Variants in ADIPOR2 observed in about 807,000 individuals in gnomAD.
ADIPOR2 encodes the protein adiponectin receptor protein 2.
A neutral mutation model predicts 40.9 loss-of-function variants in ADIPOR2; 18 were observed. The observed-to-expected ratio is 0.44, with a 90% CI of 0.30 to 0.65. The LOEUF (loss-of-function observed/expected upper bound fraction) is 0.65. ADIPOR2 is among the 30% of genes least tolerant of loss of function. The pLI is 0.09. For missense variants in ADIPOR2, 283 were observed against 479.2 expected (o/e 0.59, Z 3.82); for synonymous variants, 165 against 166.4 (o/e 0.99, Z 0.06).
chr12:1,772,363 A>G (rs1862507637), intron 2 of ADIPOR2, among the ~76,000 whole-genome samples: 2 of 152,210 alleles, frequency 1.3e-5, no homozygotes, highest in Admixed American at 6.5e-5. Flanking sequence ...TGACCTATAT[A>G]TAAAGCCTTT....
At chr12:1,743,570 G>A (rs563613772) in intron 1 of ADIPOR2, among the ~76,000 whole-genome samples, 58 of 151,840 alleles carry the variant, frequency 3.8e-4, no homozygotes, top group African/African-American at 1.4e-3. Flanking sequence ...TCTCTGGATG[G>A]AGGCTGAGGC....
chr12:1,783,131 C>T (rs1862756982), intron 6 of ADIPOR2, among the ~76,000 whole-genome samples: 1 of 151,342 alleles, frequency 6.6e-6, no homozygotes, highest in Non-Finnish European at 1.5e-5. Flanking sequence ...AGCCACTGCG[C>T]CCAGCCTTAG....
chr12:1,754,966 GGCCTCCCAA>G (rs1224159092), intron 2 of ADIPOR2, among the ~76,000 whole-genome samples: 3 of 117,214 alleles, frequency 2.6e-5, no homozygotes, highest in South Asian at 2.9e-4. Context: ...CTCCCACCTC[GGCCTCCCAA>G]AGTGCTGGGA....
chr12:1,738,243 T>G (rs118158433), intron 1 of ADIPOR2, among the ~76,000 whole-genome samples: 6,500 of 147,152 alleles, frequency 0.044, 231 homozygotes, highest in East Asian at 0.18. Context: ...TAACCAGGCA[T>G]GGTGGTATGT....
chr12:1,730,916 C>A (rs986587011), intron 1 of ADIPOR2: 2 of 152,010 alleles, frequency 1.3e-5, no homozygotes, highest in Admixed American at 6.6e-5. Flanking sequence ...ATATGTAATG[C>A]AGGTTGATTA....
chr12:1,691,566 C>G (rs1054957145), intron 1 of ADIPOR2, among the ~76,000 whole-genome samples: 1 of 152,210 alleles, frequency 6.6e-6, no homozygotes, highest in Non-Finnish European at 1.5e-5. Context: ...TCTGCCCGCC[C>G]CTCTTCGTCT....
chr12:1,702,358 A>AT (rs778285730), intron 1 of ADIPOR2, among the ~76,000 whole-genome samples: 78 of 152,196 alleles, frequency 5.1e-4, no homozygotes, highest in East Asian at 1.2e-3. Context: ...GGTTATGGGA[A>AT]TTTTTTTAGC....
At chr12:1,722,472 G>A (rs11612414) in intron 1 of ADIPOR2, among the ~76,000 whole-genome samples, 3,089 of 152,280 alleles carry the variant, frequency 0.02, 66 homozygotes, top group East Asian at 0.097. Context: ...ATATTTAGGA[G>A]TAACTGATGT....
intron 2 of ADIPOR2, among the ~76,000 whole-genome samples, chr12:1,768,886 G>A (rs1305287562): frequency 6.6e-6 from 1 of 152,164 alleles, no homozygotes; most frequent in Admixed American, 6.5e-5. Context: ...ACCTCTACAA[G>A]TTTAAATATA....
chr12:1,780,740 A>G, intron 5 of ADIPOR2, 103 bp downstream of exon 5: 1 of 1,402,420 alleles, frequency 7.1e-7, no homozygotes, highest in Non-Finnish European at 9.5e-7. Flanking sequence ...CATCTCATGC[A>G]AACTTTTTTT....
chr12:1,778,882 A>G (rs1177483126), intron 4 of ADIPOR2, among the ~76,000 whole-genome samples: 1 of 152,236 alleles, frequency 6.6e-6, no homozygotes, highest in Non-Finnish European at 1.5e-5. Context: ...GTTCTTCCAG[A>G]GAAGATCTAA....
intron 2 of ADIPOR2, among the ~76,000 whole-genome samples, chr12:1,754,852 C>A (rs1387272027): frequency 5.8e-5 from 7 of 120,548 alleles, no homozygotes; most frequent in Admixed American, 5.6e-4. Context: ...CCTGCCTCGA[C>A]TACAGGTACA....
chr12:1,713,915 C>G (rs1420657399), intron 1 of ADIPOR2, among the ~76,000 whole-genome samples: 1 of 152,026 alleles, frequency 6.6e-6, no homozygotes, highest in Non-Finnish European at 1.5e-5. Flanking sequence ...TACCGGTGTC[C>G]AGGAGGAAGT....
rs532119936 is a variant in ADIPOR2, at chr12:1,750,572, G to A, written c.-86-3686G>A. ...AACAGAGTGAGACCCTGTGTCTCTA[G>A]AAAGAAAAGAGAAGTGATTGATATT... On this transcript the variant is annotated intron_variant, in intron 1 of 7. Transcript: ENST00000357103. Among the ~76,000 whole-genome samples, 232 of 152,186 alleles carry A rather than the reference G, an allele frequency of 1.5e-3. 1 individual carries two copies. The highest frequency in any genetic ancestry group is 5.4e-3 in the African/African-American group (224 of 41,538).
intron 1 of ADIPOR2, among the ~76,000 whole-genome samples, chr12:1,715,967 G>A (rs528367888): frequency 6.6e-6 from 1 of 152,086 alleles, no homozygotes; most frequent in Non-Finnish European, 1.5e-5. Context: ...CGGCAACCTG[G>A]TCGGGTCTCC....
At chr12:1,752,417 A>AGTT (rs1022699065) in intron 1 of ADIPOR2, among the ~76,000 whole-genome samples, 1 of 151,934 alleles carries the variant, frequency 6.6e-6, no homozygotes, top group African/African-American at 2.4e-5. Context: ...TGATATTTCA[A>AGTT]GAACACTTTA....
chr12:1,703,317 T>C (rs552769261), intron 1 of ADIPOR2, among the ~76,000 whole-genome samples: 1 of 152,358 alleles, frequency 6.6e-6, no homozygotes, highest in Non-Finnish European at 1.5e-5. Flanking sequence ...GTATATGATA[T>C]ATGCAATCTA....
At chr12:1,756,991 T>C (rs1043413217) in intron 2 of ADIPOR2, among the ~76,000 whole-genome samples, 2 of 152,118 alleles carry the variant, frequency 1.3e-5, no homozygotes, top group African/African-American at 4.8e-5. Flanking sequence ...AGATTCTTGT[T>C]AGATATCTTA....
At chr12:1,764,558 A>AACACACACACACACACAC (rs59660682) in intron 2 of ADIPOR2, among the ~76,000 whole-genome samples, 2 of 119,086 alleles carry the variant, frequency 1.7e-5, no homozygotes, top group South Asian at 2.8e-4. Context: ...TAAAGTATTA[A>AACACACACACACACACAC]ACACACACAC....
Sources: allele counts gnomAD v4.1 joint callset (sites outside exome capture counted in the v4.1 genomes callset), GRCh38; gene constraint gnomAD v4.1.1; transcripts MANE v1.5; gene names NCBI Gene and HGNC (gene_info 2026-07-23, HGNC 2026-07-21).